The following IQCH variants were observed in gnomAD, a reference collection of about 807,000 sequenced individuals.
The protein encoded by IQCH is IQ motif containing H, also known as IQ domain-containing protein H.
Under a neutral mutation model 117.0 loss-of-function variants are expected in IQCH, and 98 were observed. That is an observed-to-expected ratio of 0.84 (90% CI 0.71 to 0.99). The LOEUF (loss-of-function observed/expected upper bound fraction) is 0.99. IQCH is among the 50% of genes least tolerant of loss of function. IQCH has a pLI of 0.00. For missense variants in IQCH, 1,102 were observed against 1,243.8 expected (o/e 0.89, Z 1.72); for synonymous variants, 412 against 448.2 (o/e 0.92, Z 1.02).
intron 3 of IQCH, among the ~76,000 whole-genome samples, chr15:67,276,599 T>C (rs62014649): frequency 0.025 from 3,852 of 152,286 alleles, 77 homozygotes; most frequent in African/African-American, 0.052. Context: ...AAGGATAATT[T>C]TTGCAGGTTA....
At chr15:67,307,319 T>C (rs997689810) in intron 4 of IQCH, 8 of 279,754 alleles carry the variant, frequency 2.9e-5, no homozygotes, top group Non-Finnish European at 3.8e-5. Flanking sequence ...TTCCACTAAC[T>C]TAGTTGGGTA....
At chr15:67,291,751 G>A (rs1966758842) in intron 4 of IQCH, among the ~76,000 whole-genome samples, 1 of 152,158 alleles carries the variant, frequency 6.6e-6, no homozygotes, top group Admixed American at 6.6e-5. Flanking sequence ...GAGATGGCAA[G>A]TTGGATTTTA....
chr15:67,305,547 C>G (rs937094488), intron 4 of IQCH, among the ~76,000 whole-genome samples: 1 of 152,046 alleles, frequency 6.6e-6, no homozygotes, highest in Admixed American at 6.6e-5. Context: ...CCCATGAGCC[C>G]AAAGCCCCTG....
intron 4 of IQCH, among the ~76,000 whole-genome samples, chr15:67,314,396 G>T (rs918469654): frequency 4.8e-4 from 72 of 149,044 alleles, no homozygotes; most frequent in Admixed American, 1.8e-3. Context: ...ATCTAATAAT[G>T]CACAGAAATG....
rs1359834489 is a variant in IQCH, at chr15:67,458,173, C to T, written c.2506-6954C>T. 6.6e-6 allele frequency among the ~76,000 whole-genome samples: 1 copy of T among 152,232 alleles called. No individual in the cohort carries two copies. The highest frequency in any genetic ancestry group is 1.5e-5 in the Non-Finnish European group (1 of 68,036). ...ATTTCAACCCACCCTCTATAACATG[C>T]TGTAACAAAGGCATCTCAAACTTAA... is the stretch of plus-strand genomic sequence containing the variant. On this transcript the variant is annotated intron_variant, in intron 16 of 20. Transcript: ENST00000335894. This position sits in a 1 kb window ranked among gnomAD's most constrained non-coding sequence, Gnocchi z 4.1.
chr15:67,344,842 A>G (rs185186592), intron 6 of IQCH, among the ~76,000 whole-genome samples: 92 of 152,328 alleles, frequency 6.0e-4, no homozygotes, highest in African/African-American at 2.1e-3. Flanking sequence ...TAAAAGACAG[A>G]GATTGTCAGA....
At chr15:67,259,582 T>G (rs1172166317) in intron 1 of IQCH, among the ~76,000 whole-genome samples, 2 of 152,182 alleles carry the variant, frequency 1.3e-5, no homozygotes, top group Non-Finnish European at 2.9e-5. Flanking sequence ...ACAAGGCAGG[T>G]GAAAAGAAAA....
In IQCH at chr15:67,456,298, C is replaced by CA. The variant is rs2141002551; in HGVS notation, c.2506-8828dup. Among the ~76,000 whole-genome samples the CA allele has an allele frequency of 6.6e-6, 1 of 152,252 alleles. No individual in the cohort carries two copies. The highest frequency in any genetic ancestry group is 2.4e-5 in the African/African-American group (1 of 41,552). On this transcript the variant is annotated intron_variant, in intron 16 of 20. Transcript: ENST00000335894. The surrounding 1 kb of genome is among the most constrained non-coding windows in gnomAD (Gnocchi z 5.1). ...TTTCCAAAGTCACAGAGAAACTTGG[C>CA]ACTCTGAAGAAATTGATCTACTAAT...
At chr15:67,420,489 A>G (rs60141690) in intron 15 of IQCH, among the ~76,000 whole-genome samples, 17,362 of 152,184 alleles carry the variant, frequency 0.11, 1,094 homozygotes, top group East Asian at 0.2. Flanking sequence ...ATAATATCTT[A>G]AAGTTTTTCT....
chr15:67,489,939 C>T, intron 18 of IQCH, 64 bp from the exon 19 acceptor site: 2 of 1,128,556 alleles, frequency 1.8e-6, no homozygotes, highest in East Asian at 2.3e-5. Context: ...GTGCCAGTAA[C>T]ATTTTCTGTA....
At chr15:67,439,053 T>C (rs1185184016) in intron 16 of IQCH, among the ~76,000 whole-genome samples, 4 of 152,162 alleles carry the variant, frequency 2.6e-5, no homozygotes, top group African/African-American at 9.7e-5. Context: ...TTGGAACAAA[T>C]GGACTTAACA....
At position 67,459,923 on chromosome 15, in the gene IQCH, G is replaced by GT. The variant is rs2082749159; in HGVS notation, c.2506-5203dup. The GT allele has an allele frequency of 6.6e-6, 1 of 152,162 alleles. No homozygotes were observed. The highest frequency in any genetic ancestry group is 2.4e-5 in the African/African-American group (1 of 41,426). The allele number at this position is 152,162 out of a possible 1,614,324, so 9.4% of individuals were successfully genotyped here. On this transcript the variant is annotated intron_variant, in intron 16 of 20. Transcript: ENST00000335894. This position sits in a 1 kb window ranked among gnomAD's most constrained non-coding sequence, Gnocchi z 4.2. ...AACACTTTTGGAGGCCAAGGCGAGA[G>GT]TATCATTTGAACGCAGGAGTTTGAG...
intron 4 of IQCH, among the ~76,000 whole-genome samples, chr15:67,321,840 A>G (rs11852260): frequency 2.0e-5 from 3 of 151,968 alleles, no homozygotes; most frequent in Non-Finnish European, 1.5e-5. Flanking sequence ...TACTCTGTAC[A>G]GTTTCAATCT....
Position 67,465,161 on chromosome 15 carries a change from A to G in IQCH, c.2540A>G (p.Asp847Gly), listed in dbSNP as rs762015690. 1.2e-6 allele frequency: 2 copies of G among 1,614,094 alleles called. No homozygotes were observed. The highest frequency in any genetic ancestry group is 1.1e-5 in the South Asian group (1 of 91,068). Residue 847 changes from aspartate (D) to glycine (G), a missense_variant, in exon 17 of 21, where the codon GAC becomes GGC. Asp to Gly is a moderately conservative substitution (Grantham distance 94). Around this residue, in one of 2 missense-constraint regions of IQCH, gnomAD observed 650 missense variants for 794.3 expected, o/e 0.82. Coordinates refer to ENST00000335894, the MANE Select transcript of IQCH (RefSeq NM_001031715.3). The surrounding 1 kb of genome is among the most constrained non-coding windows in gnomAD (Gnocchi z 5.9). ...WATGLNLAYSDQLALTQLTLY... is the reference protein window; with the variant it reads ...WATGLNLAYSGQLALTQLTLY... ...ACCGGCCTTAACCTCGCATATAGTGACCAGCTGGCCCTGACTCAACTCACC... is the reference window on the plus strand; with the variant it reads ...ACCGGCCTTAACCTCGCATATAGTGGCCAGCTGGCCCTGACTCAACTCACC...
chr15:67,319,236 G>GAA (rs1967998120), intron 4 of IQCH, among the ~76,000 whole-genome samples: 1 of 151,974 alleles, frequency 6.6e-6, no homozygotes, highest in Non-Finnish European at 1.5e-5. Flanking sequence ...AAGAAAGAAA[G>GAA]AGAAAGAGAG....
intron 4 of IQCH, among the ~76,000 whole-genome samples, chr15:67,291,781 G>A (rs899904451): frequency 7.2e-5 from 11 of 152,200 alleles, no homozygotes; most frequent in African/African-American, 2.7e-4. Flanking sequence ...TTGGAGAGAA[G>A]AGAATGCCTA....
At position 67,279,414 on chromosome 15, in the gene IQCH, G is replaced by T; in HGVS notation, c.289G>T (p.Asp97Tyr). 1 of 1,598,694 alleles carries T rather than the reference G, an allele frequency of 6.3e-7. No homozygotes were observed. The highest frequency in any genetic ancestry group is 1.1e-5 in the South Asian group (1 of 89,970). The change falls in exon 4 of 21, where the codon GAT (aspartate) becomes TAT (tyrosine). Residue 97 changes from aspartate (D) to tyrosine (Y), a missense_variant. By Grantham distance (160) the Asp-to-Tyr change is radical (BLOSUM62 -3). This residue lies in a region of IQCH where 452 missense variants were observed against 449.6 expected (regional missense o/e 1.01). Transcript: ENST00000335894. ...ASKWLLPTVI[D>Y]QKSFIFPQES... The stretch of plus-strand genomic sequence containing the variant: ...ACTTAGGTTACTTCCAACTGTAATT[G>T]ATCAGAAATCATTTATTTTCCCTCA...
Position 67,465,236 on chromosome 15 carries a change from T to C in IQCH, c.2615T>C (p.Val872Ala), listed in dbSNP as rs527648337. ...GATTGCAGTTTGAGCACCCTGGAAG[T>C]GCCCCGCTTTGTTCCAAAGGAAAGG... Reference protein sequence around the residue: ...HLDCSLSTLEVPRFVPKERKK... With the variant: ...HLDCSLSTLEAPRFVPKERKK... Residue 872 changes from valine to alanine, a missense_variant, in exon 17 of 21, where the codon GTG becomes GCG. By Grantham distance (64) the Val-to-Ala change is moderately conservative. This residue lies in a region of IQCH where 650 missense variants were observed against 794.3 expected (regional missense o/e 0.82). Transcript: ENST00000335894. This position sits in a 1 kb window ranked among gnomAD's most constrained non-coding sequence, Gnocchi z 5.9. 6.2e-7 allele frequency: 1 copy of C among 1,614,012 alleles called. No homozygotes were observed. The highest frequency in any genetic ancestry group is 1.1e-5 in the South Asian group (1 of 91,080).
intron 15 of IQCH, among the ~76,000 whole-genome samples, chr15:67,420,363 C>T (rs1401125132): frequency 6.6e-6 from 1 of 152,152 alleles, no homozygotes; most frequent in Non-Finnish European, 1.5e-5. Context: ...CTCCCAGCCC[C>T]CAGCAAATTT....
Sources: gnomAD v4.1 joint callset for allele counts (sites outside exome capture counted in the v4.1 genomes callset) on GRCh38, gnomAD v4.1.1 for gene constraint, gnomAD v4.1.1 regional missense constraint, Gnocchi (gnomAD v3.1) non-coding constraint, MANE v1.5 for transcripts, NCBI Gene and HGNC (gene_info 2026-07-23, HGNC 2026-07-21) for gene names.